Variants in CACNA1B observed in about 807,000 individuals in gnomAD.
The protein encoded by CACNA1B is calcium voltage-gated channel subunit alpha1 B.
CACNA1B carries 70 observed loss-of-function variants against 247.2 expected under a neutral mutation model. That is an observed-to-expected ratio of 0.28 (90% CI 0.23 to 0.35). The LOEUF is 0.35. Ranked by LOEUF, CACNA1B falls within the 10% of genes least tolerant of loss-of-function variation. The pLI is 1.00. For missense variants in CACNA1B, 2,367 were observed against 3,197.4 expected (o/e 0.74, Z 6.26); for synonymous variants, 1,231 against 1,294.4 (o/e 0.95, Z 1.05).
At position 137,971,432 on chromosome 9, in the gene CACNA1B, G is replaced by C. The variant is rs61739616; in HGVS notation, c.1383G>C (p.Ser461=). 3 of 1,613,448 alleles carry C rather than the reference G, an allele frequency of 1.9e-6. No individual in the cohort carries two copies. The highest frequency in any genetic ancestry group is 2.5e-6 in the Non-Finnish European group (3 of 1,179,716). ...TCAAGAGCGGGAAGACAGAGAGCTC[G>C]TCATACTTCCGGAGGAAGGAGAAGA... ...ASLKSGKTES[S]SYFRRKEKMF... Residue 461 remains serine, a synonymous_variant, in exon 11 of 47, where the codon TCG becomes TCC. Transcript: ENST00000371372. This position sits in a 1 kb window ranked among gnomAD's most constrained non-coding sequence, Gnocchi z 4.4.
chr9:138,073,376 A>C lies in CACNA1B; in HGVS notation c.4675-112A>C, dbSNP rs1201190561. ...AGAGACCTTTGATTTTAATCTTTTT[A>C]ACCACTTTTCTTTGGGGCCACAGGG... On this transcript the variant is annotated intron_variant, in intron 32 of 46. Coordinates refer to ENST00000371372, the MANE Select transcript of CACNA1B (RefSeq NM_000718.4). The surrounding 1 kb of genome is among the most constrained non-coding windows in gnomAD (Gnocchi z 6.4). 1.0e-5 allele frequency: 7 copies of C among 672,020 alleles called. No homozygotes were observed. The highest frequency in any genetic ancestry group is 2.4e-5 in the Admixed American group (1 of 41,712). 41.6% of individuals were successfully genotyped at this position (672,020 alleles called of 1,614,324 possible). A position where few individuals can be genotyped will look rare whatever the true frequency, so the allele number is the denominator to read the frequency against.
chr9:137,907,485 C>G (rs573210708), intron 3 of CACNA1B, among the ~76,000 whole-genome samples: 67 of 152,322 alleles, frequency 4.4e-4, no homozygotes, highest in South Asian at 8.3e-4. Flanking sequence ...CAACACATCA[C>G]CAGGCTTTAA....
At chr9:138,004,796 CAAAT>C (rs556519155) in intron 15 of CACNA1B, among the ~76,000 whole-genome samples, 310 of 152,116 alleles carry the variant, frequency 2.0e-3, no homozygotes, top group Non-Finnish European at 3.5e-3. Flanking sequence ...GCAAAAAAAA[CAAAT>C]AATCACATTT....
chr9:137,956,470 C>T (rs1250115400), intron 8 of CACNA1B, among the ~76,000 whole-genome samples: 1 of 152,090 alleles, frequency 6.6e-6, no homozygotes, highest in African/African-American at 2.4e-5. Flanking sequence ...CTATCCTGGC[C>T]AACATGGTGA....
rs149080779 is a variant in CACNA1B at position 138,086,544 on chromosome 9, A to G, written c.5094+8286A>G. On this transcript the variant is annotated intron_variant, in intron 36 of 46. Coordinates refer to ENST00000371372, the MANE Select transcript of CACNA1B (RefSeq NM_000718.4). ...TACCAAGACCCCATCTCTTTAAGAA[A>G]AAAAATTTTAGGGCAAGGAATGTCA... Among the ~76,000 whole-genome samples, 113 of 151,300 alleles carry G rather than the reference A, an allele frequency of 7.5e-4. 5 individuals are homozygous for G. Among genetic ancestry groups the G allele is most frequent in the African/African-American group, 2.5e-3 (101 of 40,940 alleles).
chr9:138,011,194 G>A lies in CACNA1B; in HGVS notation c.2160+1117G>A, dbSNP rs1958719974. 6.6e-6 allele frequency among the ~76,000 whole-genome samples: 1 copy of A among 152,366 alleles called. No homozygotes were observed. Among genetic ancestry groups the A allele is most frequent in the East Asian group, 1.9e-4 (1 of 5,176 alleles). ...TTGGGGGAGCCCAAGCCCCCACAGA[G>A]CTCTCCTTGGTGCCGGGGTTGCCTT... On this transcript the variant is annotated intron_variant, in intron 17 of 46. Transcript: ENST00000371372. The surrounding 1 kb of genome is among the most constrained non-coding windows in gnomAD (Gnocchi z 4.2).
chr9:138,099,549 GTGTGTGTGCCACCGTGGTGCGTATGTGCC>G (rs1418792866), intron 37 of CACNA1B, among the ~76,000 whole-genome samples: 2 of 151,224 alleles, frequency 1.3e-5, no homozygotes, highest in African/African-American at 2.4e-5. Flanking sequence ...ATGTGCCTTT[GTGTGTGTGCCACCGTGGTGCGTATGTGCC>G]TGTGTGTGCC....
intron 3 of CACNA1B, chr9:137,892,609 A>G (rs1957118597): frequency 2.8e-6 from 1 of 351,616 alleles, no homozygotes; most frequent in South Asian, 2.1e-5. Flanking sequence ...GGGTGGGACC[A>G]GGTGAGGAGG....
At chr9:137,928,682 G>GT (rs1957578134) in intron 6 of CACNA1B, among the ~76,000 whole-genome samples, 3 of 152,074 alleles carry the variant, frequency 2.0e-5, no homozygotes, top group Non-Finnish European at 4.4e-5. Flanking sequence ...ACAGTTCAGA[G>GT]TTTTTTGTAT....
intron 10 of CACNA1B, among the ~76,000 whole-genome samples, chr9:137,961,817 A>C (rs1414309993): frequency 6.6e-6 from 1 of 152,144 alleles, no homozygotes; most frequent in Non-Finnish European, 1.5e-5. Context: ...ATCAATGTTC[A>C]TCTAGGATAT....
intron 35 of CACNA1B, among the ~76,000 whole-genome samples, chr9:138,076,129 G>A (rs879770056): frequency 6.6e-6 from 1 of 152,188 alleles, no homozygotes; most frequent in African/African-American, 2.4e-5. Context: ...CAGGCTGAAG[G>A]GAAGCCCTGA....
Position 138,087,396 on chromosome 9 carries a change from AAAAAAAAGAAAAAG to A in CACNA1B, c.5095-9080_5095-9067del, listed in dbSNP as rs1205480201. ...TAAGACTCTGTCTCAAAAAAAAAAA[AAAAAAAAGAAAAAG>A]AAAAAAAAGAAAAGAGAAAAAGAAG... On this transcript the variant is annotated intron_variant, in intron 36 of 46. Transcript: ENST00000371372. Among the ~76,000 whole-genome samples, 403 of 146,604 alleles carry A rather than the reference AAAAAAAAGAAAAAG, an allele frequency of 2.7e-3. 5 individuals carry two copies. The highest frequency in any genetic ancestry group is 9.8e-3 in the African/African-American group (381 of 38,990).
In CACNA1B at chr9:137,891,238, A is replaced by G. The variant is rs959176933; in HGVS notation, c.530+8355A>G. On this transcript the variant is annotated intron_variant, in intron 3 of 46. Coordinates refer to ENST00000371372, the MANE Select transcript of CACNA1B (RefSeq NM_000718.4). This position sits in a 1 kb window ranked among gnomAD's most constrained non-coding sequence, Gnocchi z 4.3. The stretch of plus-strand genomic sequence containing the variant: ...CTTTCACGCAAAAACCTGTGTTTTC[A>G]TCTTGCTTGGGAGAAGTCCCTGGAG... The G allele has an allele frequency of 1.1e-4, 16 of 152,290 alleles. No homozygotes were observed. Among genetic ancestry groups the G allele is most frequent in the African/African-American group, 3.9e-4 (16 of 41,454 alleles). The allele number at this position is 152,290 out of a possible 1,614,324, so 9.4% of individuals were successfully genotyped here. A position where few individuals can be genotyped will look rare whatever the true frequency, so the allele number is the denominator to read the frequency against.
rs1260891841 is a variant in CACNA1B at position 137,957,918 on chromosome 9, CCT to C, written c.1333+232_1333+233del. Among the ~76,000 whole-genome samples, 9 of 152,166 alleles carry C rather than the reference CCT, an allele frequency of 5.9e-5. No homozygotes were observed. The South Asian group carries it at 6.2e-4, about 11-fold the overall frequency. On this transcript the variant is annotated intron_variant, in intron 10 of 46. Transcript: ENST00000371372. The surrounding 1 kb of genome is among the most constrained non-coding windows in gnomAD (Gnocchi z 4.7). The stretch of plus-strand genomic sequence containing the variant: ...TATAGGGCCACCTCTCTCTTCAGCC[CCT>C]GTCTCTTTTTCACTTTCTGGACCTG...
chr9:137,953,611 G>GGAGGCTT (rs1442191692), intron 7 of CACNA1B, among the ~76,000 whole-genome samples: 3 of 152,200 alleles, frequency 2.0e-5, no homozygotes, highest in African/African-American at 7.2e-5. Context: ...GGTAGCTGGC[G>GGAGGCTT]GAGGCTTGAG....
Position 137,971,605 on chromosome 9 carries a change from G to A in CACNA1B, c.1543+13G>A, listed in dbSNP as rs200007246. ...ACCACGACCCTGTGTACGTATCCCCGTCCCTCCCTCAGGTGCTTCCTGAGC... is the reference window on the plus strand; with the variant it reads ...ACCACGACCCTGTGTACGTATCCCCATCCCTCCCTCAGGTGCTTCCTGAGC... On this transcript the variant is annotated intron_variant, in intron 11 of 46. Coordinates refer to ENST00000371372, the MANE Select transcript of CACNA1B (RefSeq NM_000718.4). This position sits in a 1 kb window ranked among gnomAD's most constrained non-coding sequence, Gnocchi z 4.4. The A allele has an allele frequency of 2.7e-4, 434 of 1,605,600 alleles. 3 individuals are homozygous for A. The African/African-American group carries it at 4.7e-3, about 17-fold the overall frequency.
chr9:137,953,987 C>T (rs907843726), intron 7 of CACNA1B, among the ~76,000 whole-genome samples: 1 of 152,160 alleles, frequency 6.6e-6, no homozygotes, highest in African/African-American at 2.4e-5. Flanking sequence ...GGGCTTCCTT[C>T]TGCATCCCTC....
intron 15 of CACNA1B, 67 bp from the exon 16 acceptor site, chr9:138,006,700 G>A: frequency 1.2e-6 from 1 of 838,766 alleles, no homozygotes; most frequent in South Asian, 1.4e-5. Flanking sequence ...ACTCATGTGG[G>A]TGGGGGTGCG....
At chr9:137,936,103 C>T (rs1033873028) in intron 6 of CACNA1B, among the ~76,000 whole-genome samples, 9 of 152,296 alleles carry the variant, frequency 5.9e-5, no homozygotes, top group South Asian at 4.2e-4. Flanking sequence ...GTGATCCGCC[C>T]GCCTCGGCCT....
Sources: gnomAD v4.1 joint callset for allele counts (sites outside exome capture counted in the v4.1 genomes callset) on GRCh38, gnomAD v4.1.1 for gene constraint, Gnocchi (gnomAD v3.1) non-coding constraint, MANE v1.5 for transcripts, NCBI Gene and HGNC (gene_info 2026-07-23, HGNC 2026-07-21) for gene names.